The following PRKCG variants were observed in gnomAD, a reference collection of about 807,000 sequenced individuals.
PRKCG encodes the protein protein kinase C gamma type.
Under a neutral mutation model 82.0 loss-of-function variants are expected in PRKCG, and 28 were observed. The ratio of observed to expected loss-of-function variants is 0.34; its 90% CI spans 0.25 to 0.47. The LOEUF is 0.47. Among genes scored for constraint, PRKCG ranks in the 20% least tolerant of loss-of-function variants. The pLI, the probability that PRKCG is intolerant of heterozygous loss-of-function variation, is 1.00. For missense variants in PRKCG, 640 were observed against 952.7 expected (o/e 0.67, Z 4.32); for synonymous variants, 383 against 376.6 (o/e 1.02, Z -0.20).
chr19:53,884,366 G>T lies in PRKCG; in HGVS notation c.285+123G>T. ...GAGGGGAGGGGGGCTGGAGAGATAG[G>T]GGGAGCTATCTGGCCCAGATTCCTT... is the stretch of plus-strand genomic sequence containing the variant. On this transcript the variant is annotated intron_variant, in intron 3 of 17. Transcript: ENST00000263431. The surrounding 1 kb of genome is among the most constrained non-coding windows in gnomAD (Gnocchi z 4.6). The T allele has an allele frequency of 1.0e-6, 1 of 967,398 alleles. No homozygotes were observed. Among genetic ancestry groups the T allele is most frequent in the Non-Finnish European group, 1.6e-6 (1 of 615,242 alleles). 59.9% of individuals were successfully genotyped at this position (967,398 alleles called of 1,614,324 possible). A position where few individuals can be genotyped will look rare whatever the true frequency, so the allele number is the denominator to read the frequency against.
At chr19:53,899,294 C>A (rs1476613173) in intron 11 of PRKCG, among the ~76,000 whole-genome samples, 4 of 152,080 alleles carry the variant, frequency 2.6e-5, no homozygotes, top group African/African-American at 7.2e-5. Flanking sequence ...CCCTGGGGAG[C>A]TTGGTCTTGA....
chr19:53,895,827 A>G (rs978857228), intron 9 of PRKCG, among the ~76,000 whole-genome samples: 1 of 152,108 alleles, frequency 6.6e-6, no homozygotes, highest in Non-Finnish European at 1.5e-5. Flanking sequence ...TGGGAGGCCA[A>G]GGCGGGTGGA....
chr19:53,906,375 TC>T lies in PRKCG; in HGVS notation c.1825del (p.Arg609ValfsTer46). The T allele has an allele frequency of 6.4e-7, 1 of 1,557,556 alleles. No individual in the cohort carries two copies. Among genetic ancestry groups the T allele is most frequent in the Non-Finnish European group, 8.7e-7 (1 of 1,149,998 alleles). ...TCAGGGCCTGATGGGGAACCTACCA[TC>T]CGTGCACATGGCTTTTTCCGCTGGA... Reference protein sequence around the residue: ...LGSGPDGEPTIRAHGFFRWID... With the variant: ...LGSGPDGEPTXRAHGFFRWID... On this transcript the variant is annotated frameshift_variant, in exon 17 of 18. Coordinates refer to ENST00000263431, the MANE Select transcript of PRKCG (RefSeq NM_002739.5). LOFTEE classifies it high-confidence loss of function.
rs1301103363 is a variant in PRKCG at position 53,882,718 on chromosome 19, C to T, written c.170+54C>T. The T allele has an allele frequency of 1.3e-6, 2 of 1,596,438 alleles. No individual in the cohort carries two copies. The highest frequency in any genetic ancestry group is 1.7e-6 in the Non-Finnish European group (2 of 1,171,540). On this transcript the variant is annotated intron_variant, in intron 1 of 17. Transcript: ENST00000263431. This position sits in a 1 kb window ranked among gnomAD's most constrained non-coding sequence, Gnocchi z 6.1. The stretch of plus-strand genomic sequence containing the variant: ...GACGAGGGGACTAGGGGTGCAGACT[C>T]CTATCACGCCGACCCCTGTGGAAGG...
Position 53,883,269 on chromosome 19 carries a change from A to G in PRKCG, c.202+75A>G. On this transcript the variant is annotated intron_variant, in intron 2 of 17. Transcript: ENST00000263431. This position sits in a 1 kb window ranked among gnomAD's most constrained non-coding sequence, Gnocchi z 5.4. ...GGGGCCCCACAGCTGAGGCTGCTTG[A>G]CACACGTGTTCTCTGGTCCCCAGAG... is the stretch of plus-strand genomic sequence containing the variant. The G allele has an allele frequency of 6.4e-7, 1 of 1,559,872 alleles. No individual in the cohort carries two copies. Among genetic ancestry groups the G allele is most frequent in the South Asian group, 1.1e-5 (1 of 90,034 alleles).
chr19:53,881,596 A>T (rs1426972907), upstream of PRKCG, among the ~76,000 whole-genome samples: 3 of 152,064 alleles, frequency 2.0e-5, no homozygotes, highest in African/African-American at 7.2e-5. Context: ...ATGGCGACAG[A>T]TACAGATGGA....
rs1555807320 is a variant in PRKCG at position 53,892,772 on chromosome 19, A to ACACACG, written c.821+134_821+135insGCACAC. The stretch of plus-strand genomic sequence containing the variant: ...CATGCGCACACACACACACACACAC[A>ACACACG]CACACACACGCACACACACGCACAC... On this transcript the variant is annotated intron_variant, in intron 7 of 17. Transcript: ENST00000263431. The surrounding 1 kb of genome is among the most constrained non-coding windows in gnomAD (Gnocchi z 5.9). 4.6e-4 allele frequency: 504 copies of ACACACG among 1,087,528 alleles called. 2 individuals are homozygous for ACACACG. In the African/African-American group the frequency reaches 7.5e-3, roughly 16 times the overall value. The allele number at this position is 1,087,528 out of a possible 1,614,324, so 67.4% of individuals were successfully genotyped here.
chr19:53,881,145 G>T (rs1400074001), upstream of PRKCG, among the ~76,000 whole-genome samples: 1 of 151,162 alleles, frequency 6.6e-6, no homozygotes, highest in African/African-American at 2.4e-5. Flanking sequence ...GAGAGAGAGA[G>T]AGATCAACAG....
Position 53,893,198 on chromosome 19 carries a change from ACTCC to A in PRKCG, c.909+128_909+131del, listed in dbSNP as rs1273701070. 156 of 1,227,218 alleles carry A rather than the reference ACTCC, an allele frequency of 1.3e-4. No homozygotes were observed. The East Asian group carries it at 3.7e-3, about 29-fold the overall frequency. The allele number at this position is 1,227,218 out of a possible 1,614,324, so 76.0% of individuals were successfully genotyped here. ...ACTACAGTTCCCAGAAGACCCTAGGACTCCCTCCTCTGCTCTTCTAGGGGACTCG... is the reference window on the plus strand; with the variant it reads ...ACTACAGTTCCCAGAAGACCCTAGGACTCCTCTGCTCTTCTAGGGGACTCG... On this transcript the variant is annotated intron_variant, in intron 8 of 17. Coordinates refer to ENST00000263431, the MANE Select transcript of PRKCG (RefSeq NM_002739.5).
chr19:53,893,282 T>G (rs961396750), intron 8 of PRKCG, 80 bp from the exon 9 acceptor site: 103 of 1,471,962 alleles, frequency 7.0e-5, no homozygotes, highest in Non-Finnish European at 8.5e-5. Context: ...GGCTTGAGGG[T>G]ACTAGGGGCC....
At position 53,882,299 on chromosome 19, in the gene PRKCG, C is replaced by T; in HGVS notation, c.-196C>T. ...CTCTTCCTCCCCACTCGCCCGCTCC[C>T]CCTGGCGGAGCCGGCGCGCCCGGGG... is the stretch of plus-strand genomic sequence containing the variant. On this transcript the variant is annotated 5_prime_UTR_variant, in exon 1 of 18. Transcript: ENST00000263431. The surrounding 1 kb of genome is among the most constrained non-coding windows in gnomAD (Gnocchi z 6.1). The T allele has an allele frequency of 2.7e-6, 2 of 754,298 alleles. No individual in the cohort carries two copies. Among genetic ancestry groups the T allele is most frequent in the South Asian group, 1.7e-5 (1 of 60,124 alleles). The allele number at this position is 754,298 out of a possible 1,614,324, so 46.7% of individuals were successfully genotyped here.
intron 5 of PRKCG, 81 bp downstream of exon 5, chr19:53,890,098 A>T: frequency 7.0e-7 from 1 of 1,432,538 alleles, no homozygotes; most frequent in Non-Finnish European, 9.4e-7. Flanking sequence ...GTGCTGGCCC[A>T]GCCCTACCCC....
At chr19:53,906,129 T>TCTC (rs1211701293) in intron 16 of PRKCG, among the ~76,000 whole-genome samples, 188 bp from the exon 17 acceptor site, 1 of 134,456 alleles carries the variant, frequency 7.4e-6, no homozygotes, top group Non-Finnish European at 1.6e-5. Flanking sequence ...TTTTCTTCTC[T>TCTC]CTCTCTCTCC....
chr19:53,884,788 A>T lies in PRKCG; in HGVS notation c.285+545A>T, dbSNP rs1027549030. On this transcript the variant is annotated intron_variant, in intron 3 of 17. Coordinates refer to ENST00000263431, the MANE Select transcript of PRKCG (RefSeq NM_002739.5). The surrounding 1 kb of genome is among the most constrained non-coding windows in gnomAD (Gnocchi z 4.6). ...ACACAGACACCTGGAGAAAGAGACTAAAATAGAAAATGGTGGATACAGACA... is the reference window on the plus strand; with the variant it reads ...ACACAGACACCTGGAGAAAGAGACTTAAATAGAAAATGGTGGATACAGACA... 1.3e-5 allele frequency among the ~76,000 whole-genome samples: 2 copies of T among 152,240 alleles called. No individual in the cohort carries two copies. Among genetic ancestry groups the T allele is most frequent in the African/African-American group, 2.4e-5 (1 of 41,454 alleles).
chr19:53,893,176 A>C lies in PRKCG; in HGVS notation c.909+101A>C, dbSNP rs1489460380. On this transcript the variant is annotated intron_variant, in intron 8 of 17. Transcript: ENST00000263431. ...CTGAGTGCCCGCTGGTCCTGGGACT[A>C]CAGTTCCCAGAAGACCCTAGGACTC... The C allele has an allele frequency of 8.4e-6, 11 of 1,302,774 alleles. No homozygotes were observed. The Admixed American group carries it at 2.1e-4, about 25-fold the overall frequency. 80.7% of individuals were successfully genotyped at this position (1,302,774 alleles called of 1,614,324 possible).
chr19:53,898,393 C>T, intron 10 of PRKCG, 47 bp from the exon 11 acceptor site: 1 of 1,609,820 alleles, frequency 6.2e-7, no homozygotes, highest in Non-Finnish European at 8.5e-7. Flanking sequence ...GGTCCTGTAC[C>T]ACTGGGTTCC....
Position 53,883,141 on chromosome 19 carries a change from C to T in PRKCG, c.171-22C>T, listed in dbSNP as rs201826291. 2.0e-5 allele frequency: 32 copies of T among 1,613,974 alleles called. No individual in the cohort carries two copies. Among genetic ancestry groups the T allele is most frequent in the Admixed American group, 8.3e-5 (5 of 60,020 alleles). On this transcript the variant is annotated intron_variant, in intron 1 of 17. Transcript: ENST00000263431. This position sits in a 1 kb window ranked among gnomAD's most constrained non-coding sequence, Gnocchi z 5.4. Reference sequence around the variant, plus strand: ...TCCAGGTACCCCTTTCTGCACTGACCTAGGATCCCTGACTCTTCCAGGGGT... The same window carrying T: ...TCCAGGTACCCCTTTCTGCACTGACTTAGGATCCCTGACTCTTCCAGGGGT...
chr19:53,890,101 C>T, intron 5 of PRKCG, 84 bp downstream of exon 5: 2 of 1,437,092 alleles, frequency 1.4e-6, no homozygotes, highest in Non-Finnish European at 1.9e-6. Flanking sequence ...CTGGCCCAGC[C>T]CTACCCCAAA....
intron 15 of PRKCG, 118 bp from the exon 16 acceptor site, chr19:53,904,517 G>A (rs2123025286): frequency 1.3e-6 from 1 of 792,388 alleles, no homozygotes; most frequent in South Asian, 1.5e-5. Context: ...GTGGTCAGGT[G>A]TGCATGTGGG....
Sources: allele counts gnomAD v4.1 joint callset (sites outside exome capture counted in the v4.1 genomes callset), GRCh38; gene constraint gnomAD v4.1.1; non-coding constraint Gnocchi (gnomAD v3.1); transcripts MANE v1.5; gene names NCBI Gene and HGNC (gene_info 2026-07-23, HGNC 2026-07-21).